ENTPD1: variants seen among roughly 807,000 people sequenced by gnomAD.
ENTPD1 encodes the protein ATP diphosphohydrolase.
Under a neutral mutation model 57.0 loss-of-function variants are expected in ENTPD1, and 33 were observed. The ratio of observed to expected loss-of-function variants is 0.58; its 90% CI spans 0.44 to 0.77. The LOEUF (loss-of-function observed/expected upper bound fraction) is 0.77, where lower values mean the gene tolerates loss of function less well. Among genes scored for constraint, ENTPD1 ranks in the 30% least tolerant of loss-of-function variants. The pLI, the probability that ENTPD1 is intolerant of heterozygous loss-of-function variation, is 0.00. For synonymous variants in ENTPD1, 202 were observed against 218.8 expected, an observed-to-expected ratio of 0.92 and a Z score of 0.68; for missense variants, 501 against 603.4, an observed-to-expected ratio of 0.83 and a Z score of 1.78.
chr10:95,864,689 A>T, intron 8 of ENTPD1, 35 bp from the exon 9 acceptor site: 1 of 1,613,980 alleles, frequency 6.2e-7, no homozygotes, highest in Admixed American at 1.7e-5. Context: ...GGTGCCTATC[A>T]TACGAGTATG....
At chr10:95,824,184 T>C (rs904236788) in intron 2 of ENTPD1, among the ~76,000 whole-genome samples, 10 of 152,260 alleles carry the variant, frequency 6.6e-5, no homozygotes, top group African/African-American at 2.4e-4. Context: ...ACTGAAATTA[T>C]AGTAAACAAA....
At chr10:95,721,496 T>A (rs1249454696) in intron 1 of ENTPD1, among the ~76,000 whole-genome samples, 1 of 152,212 alleles carries the variant, frequency 6.6e-6, no homozygotes, top group Non-Finnish European at 1.5e-5. Flanking sequence ...TTTCTCCATG[T>A]CAGATTAAAG....
chr10:95,860,854 T>C (rs1205409206), intron 8 of ENTPD1, among the ~76,000 whole-genome samples: 2 of 152,258 alleles, frequency 1.3e-5, no homozygotes, highest in Non-Finnish European at 2.9e-5. Context: ...CTCTGCTCTA[T>C]CTCAGCCATT....
intron 7 of ENTPD1, among the ~76,000 whole-genome samples, chr10:95,854,575 C>T (rs376003374): frequency 2.0e-5 from 3 of 151,972 alleles, no homozygotes; most frequent in African/African-American, 7.2e-5. Context: ...CATTTAGTGC[C>T]ATAAATTTCC....
intron 1 of ENTPD1, among the ~76,000 whole-genome samples, chr10:95,742,929 C>T (rs574825181): frequency 6.6e-6 from 1 of 152,324 alleles, no homozygotes; most frequent in East Asian, 1.9e-4. Flanking sequence ...CAGGTACTCT[C>T]TACCCAGTTC....
chr10:95,732,799 T>C (rs532824189), intron 1 of ENTPD1, among the ~76,000 whole-genome samples: 6 of 152,110 alleles, frequency 3.9e-5, no homozygotes, highest in Non-Finnish European at 7.4e-5. Context: ...AACCAGCAAG[T>C]TTTTATTAGT....
At chr10:95,718,392 C>G (rs1405163435) in intron 1 of ENTPD1, among the ~76,000 whole-genome samples, 9 of 151,938 alleles carry the variant, frequency 5.9e-5, no homozygotes, top group Admixed American at 5.9e-4. Context: ...TGCCTTGCAG[C>G]TCTTCTGGCT....
At chr10:95,707,047 G>A (rs928304534), upstream of ENTPD1, among the ~76,000 whole-genome samples, 6 of 152,208 alleles carry the variant, frequency 3.9e-5, no homozygotes, top group African/African-American at 1.4e-4. Context: ...AGATGGCCGG[G>A]TCCTGTGCCT....
At chr10:95,769,680 A>G (rs2098107228) in intron 1 of ENTPD1, among the ~76,000 whole-genome samples, 1 of 152,250 alleles carries the variant, frequency 6.6e-6, no homozygotes, top group African/African-American at 2.4e-5. Flanking sequence ...GGATATAAGC[A>G]GAGAGACTAG....
At chr10:95,698,688 C>T in the ENTPD1 span, among the ~76,000 whole-genome samples, 2 of 152,254 alleles carry the variant, frequency 1.3e-5, no homozygotes, top group South Asian at 4.1e-4. Context: ...GTCCCACCGG[C>T]AAGATGGCTC....
intron 7 of ENTPD1, among the ~76,000 whole-genome samples, chr10:95,852,169 T>C (rs1382415270): frequency 2.0e-5 from 3 of 152,236 alleles, no homozygotes; most frequent in South Asian, 2.1e-4. Flanking sequence ...TTTGCATTTC[T>C]CTGATGGCCA....
chr10:95,728,678 C>G (rs964187941), intron 1 of ENTPD1, among the ~76,000 whole-genome samples: 11 of 152,148 alleles, frequency 7.2e-5, no homozygotes, highest in African/African-American at 2.7e-4. Context: ...GAAAGATGAA[C>G]TGCTCACACA....
intron 6 of ENTPD1, 142 bp from the exon 7 acceptor site, chr10:95,847,304 G>C (rs189606772): frequency 1.1e-6 from 1 of 945,294 alleles, no homozygotes; most frequent in Non-Finnish European, 1.7e-6. Context: ...ATTCCTAAGG[G>C]TAAAAAGGCA....
Position 95,872,017 on chromosome 10 carries a change from C to A in ENTPD1, c.*5634C>A. On this transcript the variant is annotated 3_prime_UTR_variant, in exon 10 of 10. Coordinates refer to ENST00000371205, the MANE Select transcript of ENTPD1 (RefSeq NM_001776.6). ...TGTGTTTTACATGATTAATGCCACC[C>A]CTGCCTCAATGAACCAAGATCAGCT... The A allele has an allele frequency of 1.0e-6, 1 of 985,400 alleles. No individual in the cohort carries two copies. The highest frequency in any genetic ancestry group is 1.2e-6 in the Non-Finnish European group (1 of 829,920). The allele number at this position is 985,400 out of a possible 1,614,324, so 61.0% of individuals were successfully genotyped here. A position where few individuals can be genotyped will look rare whatever the true frequency, so the allele number is the denominator to read the frequency against.
chr10:95,779,128 T>C (rs1378948677), intron 1 of ENTPD1, among the ~76,000 whole-genome samples: 1 of 152,206 alleles, frequency 6.6e-6, no homozygotes, highest in Non-Finnish European at 1.5e-5. Flanking sequence ...TTTGTTAGAA[T>C]TTTTTCCAAG....
At chr10:95,756,965 G>T (rs1253014323) in intron 1 of ENTPD1, among the ~76,000 whole-genome samples, 2 of 152,216 alleles carry the variant, frequency 1.3e-5, no homozygotes, top group Non-Finnish European at 2.9e-5. Context: ...CACAGATGGT[G>T]TGCAGTCTCT....
chr10:95,825,769 G>A (rs934166274), intron 2 of ENTPD1, among the ~76,000 whole-genome samples: 5 of 151,962 alleles, frequency 3.3e-5, no homozygotes, highest in Non-Finnish European at 4.4e-5. Context: ...TAGTAGAGAC[G>A]GGGTTTCACC....
At chr10:95,772,572 C>T (rs1260002150) in intron 1 of ENTPD1, among the ~76,000 whole-genome samples, 1 of 152,222 alleles carries the variant, frequency 6.6e-6, no homozygotes, top group Admixed American at 6.5e-5. Flanking sequence ...CATCTTCAGG[C>T]TCCACTACTA....
chr10:95,788,782 G>A (rs2098191096), intron 1 of ENTPD1, among the ~76,000 whole-genome samples: 1 of 152,122 alleles, frequency 6.6e-6, no homozygotes, highest in Non-Finnish European at 1.5e-5. Context: ...GTATGGGTGA[G>A]TTTAATTTTC....
Sources: allele counts gnomAD v4.1 joint callset (sites outside exome capture counted in the v4.1 genomes callset), GRCh38; gene constraint gnomAD v4.1.1; transcripts MANE v1.5; gene names NCBI Gene and HGNC (gene_info 2026-07-23, HGNC 2026-07-21).